The following SYNDIG1 variants were observed in gnomAD, a reference collection of about 807,000 sequenced individuals.
The protein encoded by SYNDIG1 is synapse differentiation-inducing gene protein 1.
SYNDIG1 carries 9 observed loss-of-function variants against 19.4 expected under a neutral mutation model. The ratio of observed to expected loss-of-function variants is 0.46; its 90% CI spans 0.28 to 0.81. The LOEUF is 0.81. Among genes scored for constraint, SYNDIG1 ranks in the 30% least tolerant of loss-of-function variants. SYNDIG1 has a pLI of 0.12. For missense variants in SYNDIG1, 311 were observed against 343.3 expected (o/e 0.91, Z 0.74); for synonymous variants, 141 against 145.9 (o/e 0.97, Z 0.24).
intron 3 of SYNDIG1, among the ~76,000 whole-genome samples, chr20:24,592,291 A>G (rs901599389): frequency 2.0e-5 from 3 of 152,180 alleles, no homozygotes; most frequent in African/African-American, 7.2e-5. Context: ...GGGACACGAC[A>G]CCATCATTGT....
At chr20:24,472,708 A>G (rs572824901) in intron 1 of SYNDIG1, among the ~76,000 whole-genome samples, 16 of 152,312 alleles carry the variant, frequency 1.1e-4, no homozygotes, top group Admixed American at 7.8e-4. Flanking sequence ...CTGGAGAGGC[A>G]TGGCACGCAG....
At chr20:24,630,706 C>T (rs964228419) in intron 3 of SYNDIG1, among the ~76,000 whole-genome samples, 5 of 152,218 alleles carry the variant, frequency 3.3e-5, no homozygotes, top group African/African-American at 1.2e-4. Flanking sequence ...ATGCTGCATC[C>T]TCAGAACTTG....
rs142633439 is a variant in SYNDIG1 at position 24,606,528 on chromosome 20, G to A, written c.618+21535G>A. On this transcript the variant is annotated intron_variant, in intron 3 of 3. Coordinates refer to ENST00000376862, the MANE Select transcript of SYNDIG1 (RefSeq NM_024893.3). ...TAAAACCTTAGGTTATTATAGAATT[G>A]AATATTATATTATTGAGAAAGTTAT... 5.5e-3 allele frequency among the ~76,000 whole-genome samples: 843 copies of A among 152,302 alleles called. 13 individuals carry two copies. Among genetic ancestry groups the A allele is most frequent in the African/African-American group, 0.019 (799 of 41,550 alleles).
At chr20:24,528,525 T>C (rs1472967760) in intron 1 of SYNDIG1, among the ~76,000 whole-genome samples, 2 of 152,200 alleles carry the variant, frequency 1.3e-5, no homozygotes, top group Admixed American at 1.3e-4. Flanking sequence ...ACTCTCTTCT[T>C]CTAAGATAGC....
rs889711047 is a variant in SYNDIG1, at chr20:24,588,154, G to C, written c.618+3161G>C. ...CAGTGATGTTAAAATGATTTCCAGG[G>C]TGTGCGGTTAGCTGAGGGTTAGAGA... is the stretch of plus-strand genomic sequence containing the variant. On this transcript the variant is annotated intron_variant, in intron 3 of 3. Transcript: ENST00000376862. Among the ~76,000 whole-genome samples the C allele has an allele frequency of 5.3e-5, 8 of 152,128 alleles. 1 individual carries two copies. Among genetic ancestry groups the C allele is most frequent in the African/African-American group, 1.9e-4 (8 of 41,430 alleles).
intron 3 of SYNDIG1, among the ~76,000 whole-genome samples, chr20:24,613,956 G>A (rs1490376892): frequency 6.6e-6 from 1 of 152,178 alleles, no homozygotes; most frequent in Non-Finnish European, 1.5e-5. Context: ...GGCAGACCAT[G>A]GAGAGCACTC....
intron 2 of SYNDIG1, among the ~76,000 whole-genome samples, chr20:24,551,066 C>G (rs1191301432): frequency 2.0e-5 from 3 of 152,164 alleles, no homozygotes; most frequent in Non-Finnish European, 4.4e-5. Flanking sequence ...TTCTGAAAGA[C>G]TCTGTTTAGT....
chr20:24,622,788 T>C (rs955842268), intron 3 of SYNDIG1, among the ~76,000 whole-genome samples: 1 of 152,136 alleles, frequency 6.6e-6, no homozygotes, highest in Non-Finnish European at 1.5e-5. Flanking sequence ...AAATATTTTT[T>C]AAAATCATGG....
chr20:24,654,757 G>A (rs777742897), intron 3 of SYNDIG1, among the ~76,000 whole-genome samples: 1 of 152,102 alleles, frequency 6.6e-6, no homozygotes, highest in Non-Finnish European at 1.5e-5. Context: ...AGAACACCCA[G>A]GTGGCAGGGG....
rs2058716820 is a variant in SYNDIG1 at position 24,604,007 on chromosome 20, G to T, written c.618+19014G>T. Among the ~76,000 whole-genome samples the T allele has an allele frequency of 2.6e-5, 4 of 152,322 alleles. No homozygotes were observed. In the South Asian group the frequency reaches 8.3e-4, roughly 32 times the overall value. ...ACAAAATGCCCTGGGTTTCTCCGAA[G>T]CTGTCACCTGTCCATCTTTCTAATC... On this transcript the variant is annotated intron_variant, in intron 3 of 3. Coordinates refer to ENST00000376862, the MANE Select transcript of SYNDIG1 (RefSeq NM_024893.3).
chr20:24,504,021 A>G (rs1404477659), intron 1 of SYNDIG1, among the ~76,000 whole-genome samples: 1 of 140,902 alleles, frequency 7.1e-6, no homozygotes, highest in Admixed American at 7.7e-5. Flanking sequence ...GTACAGTGGC[A>G]TGATCTTGGC....
At chr20:24,581,305 C>T (rs1461940593) in intron 2 of SYNDIG1, among the ~76,000 whole-genome samples, 1 of 152,150 alleles carries the variant, frequency 6.6e-6, no homozygotes, top group African/African-American at 2.4e-5. Flanking sequence ...ATAGTAATAA[C>T]ACCATCTGTA....
chr20:24,499,508 A>G (rs2056389324), intron 1 of SYNDIG1, among the ~76,000 whole-genome samples: 1 of 152,224 alleles, frequency 6.6e-6, no homozygotes, highest in Non-Finnish European at 1.5e-5. Flanking sequence ...GCTGCACTGC[A>G]TACATCCATA....
intron 2 of SYNDIG1, among the ~76,000 whole-genome samples, chr20:24,572,363 C>A (rs763262183): frequency 1.3e-5 from 2 of 152,176 alleles, no homozygotes; most frequent in African/African-American, 2.4e-5. Flanking sequence ...AGAGACTGGG[C>A]GGGAGGCTCC....
chr20:24,653,516 G>C (rs1264093022), intron 3 of SYNDIG1, among the ~76,000 whole-genome samples: 1 of 152,178 alleles, frequency 6.6e-6, no homozygotes, highest in Non-Finnish European at 1.5e-5. Flanking sequence ...GGTGACTCAG[G>C]GCACAGTGAG....
chr20:24,589,778 A>C (rs1353961983), intron 3 of SYNDIG1, among the ~76,000 whole-genome samples: 1 of 152,280 alleles, frequency 6.6e-6, no homozygotes, highest in African/African-American at 2.4e-5. Context: ...ATTAGGAAGC[A>C]GATTATGAAT....
intron 1 of SYNDIG1, among the ~76,000 whole-genome samples, chr20:24,477,527 C>T (rs1447075953): frequency 6.6e-6 from 1 of 152,170 alleles, no homozygotes; most frequent in Non-Finnish European, 1.5e-5. Flanking sequence ...CACCCAGACT[C>T]ATAGACAGTG....
Position 24,543,052 on chromosome 20 carries a change from A to C in SYNDIG1, c.-46A>C, listed in dbSNP as rs568256892. 1.3e-6 allele frequency: 2 copies of C among 1,584,844 alleles called. No individual in the cohort carries two copies. Among genetic ancestry groups the C allele is most frequent in the Non-Finnish European group, 1.7e-6 (2 of 1,162,544 alleles). ...GGCTTCCCTGAGGCAAGTGTAACCT[A>C]CATTCCCAGCCCACCAGCCTGACGC... is the stretch of plus-strand genomic sequence containing the variant. On this transcript the variant is annotated 5_prime_UTR_variant, in exon 2 of 4. Transcript: ENST00000376862.
chr20:24,549,337 T>G (rs1005276884), intron 2 of SYNDIG1, among the ~76,000 whole-genome samples: 1 of 152,202 alleles, frequency 6.6e-6, no homozygotes, highest in Non-Finnish European at 1.5e-5. Flanking sequence ...CCTGACTTAT[T>G]TCATTTAACA....
Sources: allele counts gnomAD v4.1 joint callset (sites outside exome capture counted in the v4.1 genomes callset), GRCh38; gene constraint gnomAD v4.1.1; transcripts MANE v1.5; gene names NCBI Gene and HGNC (gene_info 2026-07-23, HGNC 2026-07-21).